The following CERK variants were observed in gnomAD, a reference collection of about 807,000 sequenced individuals.
The protein encoded by CERK is ceramide kinase, also known as acylsphingosine kinase.
A neutral mutation model predicts 63.4 loss-of-function variants in CERK; 39 were observed. The ratio of observed to expected loss-of-function variants is 0.61; its 90% confidence interval spans 0.48 to 0.80. CERK has a LOEUF of 0.80. Among genes scored for constraint, CERK ranks in the 30% least tolerant of loss-of-function variants. The pLI is 0.00. For missense variants in CERK, 670 were observed against 714.1 expected (o/e 0.94, Z 0.70); for synonymous variants, 302 against 280.0 (o/e 1.08, Z -0.78).
At chr22:46,703,009 G>A (rs372576825) in intron 6 of CERK, among the ~76,000 whole-genome samples, 1 of 152,146 alleles carries the variant, frequency 6.6e-6, no homozygotes, top group Non-Finnish European at 1.5e-5. Context: ...CTCCAGGGGG[G>A]TTGCTCCCAG....
Position 46,692,426 on chromosome 22 carries a change from TAAAAA to T in CERK, c.1127-654_1127-650del, listed in dbSNP as rs553286743. 2.6e-3 allele frequency among the ~76,000 whole-genome samples: 238 copies of T among 93,096 alleles called. 6 individuals carry two copies. The Middle Eastern group carries it at 0.057, about 22-fold the overall frequency. 61.1% of individuals were successfully genotyped at this position (93,096 alleles called of 152,430 possible). ...GGGCAACAAGAGTAAAACTCTGTCT[TAAAAA>T]AAAAAAAAAAAAAAAAAAAAATTAG... is the stretch of plus-strand genomic sequence containing the variant. On this transcript the variant is annotated intron_variant, in intron 10 of 12. Coordinates refer to ENST00000216264, the MANE Select transcript of CERK (RefSeq NM_022766.6).
In CERK at chr22:46,702,266, TGA is replaced by T. The variant is rs1181487139; in HGVS notation, c.716-558_716-557del. ...GTGTGTGTGTGTGTGTGTGTGTGTGTGAACATTTACAATTATAGGCATAACAA... is the reference window on the plus strand; with the variant it reads ...GTGTGTGTGTGTGTGTGTGTGTGTGTACATTTACAATTATAGGCATAACAA... On this transcript the variant is annotated intron_variant, in intron 6 of 12. Transcript: ENST00000216264. 1.1e-4 allele frequency among the ~76,000 whole-genome samples: 16 copies of T among 144,134 alleles called. 1 individual carries two copies. Among genetic ancestry groups the T allele is most frequent in the African/African-American group, 3.6e-4 (14 of 38,536 alleles). 94.6% of individuals were successfully genotyped at this position (144,134 alleles called of 152,430 possible).
Position 46,714,627 on chromosome 22 carries a change from T to C in CERK, c.380-2334A>G, listed in dbSNP as rs775864052. On this transcript the variant is annotated intron_variant, in intron 3 of 12. Transcript: ENST00000216264. The surrounding 1 kb of genome is among the most constrained non-coding windows in gnomAD (Gnocchi z 4.4). ...AGACACCAAAGCTATTAATGAAAAC[T>C]TCTCACAAAGAAAACTCCAAGCCCA... is the stretch of plus-strand genomic sequence containing the variant. 3.0e-4 allele frequency among the ~76,000 whole-genome samples: 46 copies of C among 152,262 alleles called. No individual in the cohort carries two copies. The highest frequency in any genetic ancestry group is 6.8e-3 in the Middle Eastern group (2 of 294).
At chr22:46,725,923 G>C (rs1466154781) in intron 1 of CERK, among the ~76,000 whole-genome samples, 1 of 152,080 alleles carries the variant, frequency 6.6e-6, no homozygotes, top group Non-Finnish European at 1.5e-5. Context: ...TTTAGTGCTT[G>C]TTGTGATCCA....
intron 8 of CERK, among the ~76,000 whole-genome samples, chr22:46,696,460 A>G (rs1027218228): frequency 1.3e-5 from 2 of 152,134 alleles, no homozygotes; most frequent in African/African-American, 2.4e-5. Context: ...TCTCAAGTGC[A>G]GGGGGCAGGG....
rs1458152295 is a variant in CERK at position 46,686,191 on chromosome 22, A to G, written c.*943T>C. On this transcript the variant is annotated 3_prime_UTR_variant, in exon 13 of 13. Coordinates refer to ENST00000216264, the MANE Select transcript of CERK (RefSeq NM_022766.6). Reference sequence around the variant, plus strand: ...GCTTAAAAGGACAAGATGTTCAATAAATATAGAGAACTCAGTGTGAAGAAA... The same window carrying G: ...GCTTAAAAGGACAAGATGTTCAATAGATATAGAGAACTCAGTGTGAAGAAA... The G allele has an allele frequency of 6.6e-6, 1 of 152,126 alleles. No individual in the cohort carries two copies. Among genetic ancestry groups the G allele is most frequent in the African/African-American group, 2.4e-5 (1 of 41,420 alleles). 9.4% of individuals were successfully genotyped at this position (152,126 alleles called of 1,614,324 possible). A position where few individuals can be genotyped will look rare whatever the true frequency, so the allele number is the denominator to read the frequency against.
chr22:46,702,008 C>A (rs1239419676), intron 6 of CERK, among the ~76,000 whole-genome samples: 1 of 151,914 alleles, frequency 6.6e-6, no homozygotes, highest in African/African-American at 2.4e-5. Flanking sequence ...TGGTGAAACT[C>A]CGACTCTACT....
chr22:46,701,624 G>T lies in CERK; in HGVS notation c.790+12C>A. On this transcript the variant is annotated intron_variant, in intron 7 of 12. Transcript: ENST00000216264. ...GGCTGCCACCGTGCGCATGCGCAGA[G>T]GAGGGGCTCACCAACAACGATATGC... 1 of 1,553,246 alleles carries T rather than the reference G, an allele frequency of 6.4e-7. No individual in the cohort carries two copies. Among genetic ancestry groups the T allele is most frequent in the Non-Finnish European group, 8.7e-7 (1 of 1,148,490 alleles).
In CERK at chr22:46,686,900, A is replaced by G; in HGVS notation, c.*234T>C. 7.9e-6 allele frequency: 4 copies of G among 507,152 alleles called. No homozygotes were observed. In the South Asian group the frequency reaches 9.7e-5, roughly 12 times the overall value. 31.4% of individuals were successfully genotyped at this position (507,152 alleles called of 1,614,324 possible). A position where few individuals can be genotyped will look rare whatever the true frequency, so the allele number is the denominator to read the frequency against. On this transcript the variant is annotated 3_prime_UTR_variant, in exon 13 of 13. Transcript: ENST00000216264. ...AAGAGGCCAGTGCCCCCAAGTGAGC[A>G]GCTGCATCCGCTGAGAGTAAGCGGC...
At chr22:46,712,848 T>G (rs1014981552) in intron 3 of CERK, among the ~76,000 whole-genome samples, 1 of 10,446 alleles carries the variant, frequency 9.6e-5, no homozygotes, top group Non-Finnish European at 2.9e-4. Flanking sequence ...TTTTCTTTTC[T>G]TTTTTTTTTT....
intron 3 of CERK, among the ~76,000 whole-genome samples, chr22:46,713,827 C>CATTG: frequency 6.6e-6 from 1 of 152,146 alleles, no homozygotes; most frequent in South Asian, 2.1e-4. Flanking sequence ...TTTCAGAAGT[C>CATTG]ATTGATTGAA....
At position 46,714,965 on chromosome 22, in the gene CERK, T is replaced by C. The variant is rs1469535264; in HGVS notation, c.380-2672A>G. 2.0e-5 allele frequency among the ~76,000 whole-genome samples: 3 copies of C among 151,206 alleles called. No individual in the cohort carries two copies. Among genetic ancestry groups the C allele is most frequent in the Non-Finnish European group, 4.4e-5 (3 of 67,962 alleles). The stretch of plus-strand genomic sequence containing the variant: ...CAGGACTGCAACAATGAGAAATTAA[T>C]GTAACTCAACACATTAATTGAAAAA... On this transcript the variant is annotated intron_variant, in intron 3 of 12. Coordinates refer to ENST00000216264, the MANE Select transcript of CERK (RefSeq NM_022766.6). This position sits in a 1 kb window ranked among gnomAD's most constrained non-coding sequence, Gnocchi z 4.4.
chr22:46,695,964 G>A (rs543701642), intron 8 of CERK, among the ~76,000 whole-genome samples: 15 of 152,338 alleles, frequency 9.8e-5, no homozygotes, highest in South Asian at 4.1e-4. Context: ...GAGCCAGGCC[G>A]TGTCCTGTGA....
chr22:46,703,987 G>A (rs2082800960), intron 6 of CERK, among the ~76,000 whole-genome samples: 1 of 152,138 alleles, frequency 6.6e-6, no homozygotes, highest in Admixed American at 6.5e-5. Context: ...AGGCCTCCTG[G>A]ACACCCATGG....
chr22:46,726,898 G>A (rs912858593), intron 1 of CERK, among the ~76,000 whole-genome samples: 2 of 152,180 alleles, frequency 1.3e-5, no homozygotes, highest in South Asian at 2.1e-4. Flanking sequence ...TTATCCAGAC[G>A]CGACTGCGTG....
At chr22:46,699,860 G>A (rs769856644) in intron 7 of CERK, among the ~76,000 whole-genome samples, 18 of 152,308 alleles carry the variant, frequency 1.2e-4, no homozygotes, top group East Asian at 7.7e-4. Context: ...AGGCCGAGGC[G>A]GGCAGATCAC....
chr22:46,695,353 G>A (rs1266042835), intron 8 of CERK, 38 bp from the exon 9 acceptor site: 1 of 1,185,510 alleles, frequency 8.4e-7, no homozygotes, highest in Non-Finnish European at 1.3e-6. Flanking sequence ...ACATCCACAA[G>A]GGTCATTGCT....
chr22:46,708,968 G>A (rs998261958), intron 5 of CERK, among the ~76,000 whole-genome samples: 1 of 152,174 alleles, frequency 6.6e-6, no homozygotes, highest in African/African-American at 2.4e-5. Context: ...GTCTGTGCAG[G>A]CGCGACCAGT....
At chr22:46,710,231 C>T (rs535398600) in intron 5 of CERK, among the ~76,000 whole-genome samples, 7 of 152,190 alleles carry the variant, frequency 4.6e-5, no homozygotes, top group South Asian at 4.1e-4. Context: ...GTCAGGAGTT[C>T]GAGACCAGCC....
Sources: allele counts gnomAD v4.1 joint callset (sites outside exome capture counted in the v4.1 genomes callset), GRCh38; gene constraint gnomAD v4.1.1; non-coding constraint Gnocchi (gnomAD v3.1); transcripts MANE v1.5; gene names NCBI Gene and HGNC (gene_info 2026-07-23, HGNC 2026-07-21).